MBD5: variants seen among roughly 807,000 people sequenced by gnomAD.
MBD5 encodes the protein methyl-CpG-binding domain protein 5.
Under a neutral mutation model 117.3 loss-of-function variants are expected in MBD5, and 13 were observed. The ratio of observed to expected loss-of-function variants is 0.11; its 90% confidence interval spans 0.07 to 0.18. The LOEUF is 0.18. MBD5 is among the 10% of genes least tolerant of loss of function. MBD5 has a pLI of 1.00. For missense variants in MBD5, 1,879 were observed against 2,093.8 expected (o/e 0.90, Z 2.00); for synonymous variants, 727 against 766.4 (o/e 0.95, Z 0.85).
At chr2:148,295,155 C>T (rs1374412696) in intron 3 of MBD5, among the ~76,000 whole-genome samples, 1 of 152,158 alleles carries the variant, frequency 6.6e-6, no homozygotes, top group Non-Finnish European at 1.5e-5. Context: ...CTCACATCTC[C>T]TTCTGGTACC....
intron 3 of MBD5, among the ~76,000 whole-genome samples, chr2:148,290,036 A>G (rs562480270): frequency 6.7e-6 from 1 of 149,214 alleles, no homozygotes; most frequent in African/African-American, 2.5e-5. Context: ...GCTCACTGCA[A>G]CCTCTACCTC....
chr2:148,160,666 G>A (rs1697987215), intron 1 of MBD5, among the ~76,000 whole-genome samples: 1 of 152,132 alleles, frequency 6.6e-6, no homozygotes. Flanking sequence ...AGGATAAGCA[G>A]AAGAGATTTA....
At chr2:148,150,621 C>T (rs932275917) in intron 1 of MBD5, among the ~76,000 whole-genome samples, 1 of 151,650 alleles carries the variant, frequency 6.6e-6, no homozygotes, top group African/African-American at 2.4e-5. Context: ...TTTCCTGGAG[C>T]AGTGGTTTGT....
chr2:148,425,397 G>A (rs1181466486), intron 4 of MBD5, among the ~76,000 whole-genome samples: 1 of 152,110 alleles, frequency 6.6e-6, no homozygotes, highest in Non-Finnish European at 1.5e-5. Context: ...GTAATTAATA[G>A]CCTACCAACC....
At chr2:148,256,438 A>T (rs1437864487) in intron 3 of MBD5, among the ~76,000 whole-genome samples, 1 of 152,214 alleles carries the variant, frequency 6.6e-6, no homozygotes, top group East Asian at 1.9e-4. Flanking sequence ...CCCATTTCCC[A>T]GAGGTCTTGC....
chr2:148,024,672 C>G (rs1693849421), intron 1 of MBD5, among the ~76,000 whole-genome samples: 1 of 152,088 alleles, frequency 6.6e-6, no homozygotes, highest in Non-Finnish European at 1.5e-5. Flanking sequence ...CTCATTTTAT[C>G]TAATTAACAG....
At chr2:148,131,159 G>T (rs946685409) in intron 1 of MBD5, among the ~76,000 whole-genome samples, 1 of 152,098 alleles carries the variant, frequency 6.6e-6, no homozygotes. Context: ...ATTAATGAGG[G>T]CTTACTAGTT....
At position 148,327,185 on chromosome 2, in the gene MBD5, A is replaced by G. The variant is rs1574291628; in HGVS notation, c.-679-15029A>G. On this transcript the variant is annotated intron_variant, in intron 3 of 13. Transcript: ENST00000642680. ...TGGCCTGAACTCTCTTCTGGCTTGT[A>G]GAGTTTCTGCCGAGAGATCTGCTGT... 5.3e-5 allele frequency among the ~76,000 whole-genome samples: 8 copies of G among 152,062 alleles called. No homozygotes were observed. In the South Asian group the frequency reaches 1.7e-3, roughly 32 times the overall value.
intron 3 of MBD5, among the ~76,000 whole-genome samples, chr2:148,324,522 C>G (rs1401749509): frequency 1.3e-5 from 2 of 151,990 alleles, no homozygotes; most frequent in African/African-American, 4.8e-5. Flanking sequence ...TTGAGCAGTG[C>G]TTTGTAGTTC....
At chr2:148,354,618 T>C (rs1420865904) in intron 4 of MBD5, among the ~76,000 whole-genome samples, 1 of 152,198 alleles carries the variant, frequency 6.6e-6, no homozygotes, top group Non-Finnish European at 1.5e-5. Flanking sequence ...TATAATCCTT[T>C]GGGTGTATAC....
intron 1 of MBD5, among the ~76,000 whole-genome samples, chr2:148,111,604 T>A (rs1696504752): frequency 6.6e-6 from 1 of 152,182 alleles, no homozygotes; most frequent in African/African-American, 2.4e-5. Flanking sequence ...ATGTTAAATG[T>A]CCTGAATTTA....
chr2:148,323,690 GTTGT>G (rs1425438653), intron 3 of MBD5, among the ~76,000 whole-genome samples: 7 of 152,044 alleles, frequency 4.6e-5, no homozygotes, highest in Admixed American at 6.6e-5. Context: ...TTTTGATGGG[GTTGT>G]TTGTTTTTTT....
At position 148,485,470 on chromosome 2, in the gene MBD5, G is replaced by T. The variant is rs548993098; in HGVS notation, c.3545-272G>T. 41 of 399,752 alleles carry T rather than the reference G, an allele frequency of 1.0e-4. 1 individual carries two copies. In the South Asian group the frequency reaches 1.0e-3, roughly 10 times the overall value. The allele number at this position is 399,752 out of a possible 1,614,324, so 24.8% of individuals were successfully genotyped here. A position where few individuals can be genotyped will look rare whatever the true frequency, so the allele number is the denominator to read the frequency against. ...GATGAAGGAATCATATGACACTGCA[G>T]CTCAATATATAAGGACTGCCTAATG... is the stretch of plus-strand genomic sequence containing the variant. On this transcript the variant is annotated intron_variant, in intron 9 of 13. Transcript: ENST00000642680.
intron 1 of MBD5, among the ~76,000 whole-genome samples, chr2:148,138,735 G>T (rs1697232103): frequency 6.6e-6 from 1 of 152,152 alleles, no homozygotes; most frequent in Admixed American, 6.6e-5. Context: ...ACATTTGAAT[G>T]GATATGGGTA....
chr2:148,042,412 A>C (rs1042996877), intron 1 of MBD5, among the ~76,000 whole-genome samples: 1 of 152,108 alleles, frequency 6.6e-6, no homozygotes, highest in Non-Finnish European at 1.5e-5. Context: ...AAAATTTCTC[A>C]CAGCTATGAG....
intron 1 of MBD5, among the ~76,000 whole-genome samples, chr2:148,043,452 CAAAT>C (rs137863555): frequency 0.49 from 70,298 of 142,516 alleles, 17,497 homozygotes; most frequent in African/African-American, 0.61. Flanking sequence ...GACTCCTTCT[CAAAT>C]AAATAAATAA....
At chr2:148,315,099 T>C (rs1181024995) in intron 3 of MBD5, among the ~76,000 whole-genome samples, 1 of 152,222 alleles carries the variant, frequency 6.6e-6, no homozygotes, top group African/African-American at 2.4e-5. Context: ...CAGAGGAGCT[T>C]GATTAAAATT....
chr2:148,149,082 C>G (rs943402845), intron 1 of MBD5, among the ~76,000 whole-genome samples: 30 of 151,074 alleles, frequency 2.0e-4, no homozygotes, highest in African/African-American at 7.3e-4. Context: ...AATGCTATCC[C>G]TCCCCACTCC....
At chr2:148,410,756 T>C (rs1705223907) in intron 4 of MBD5, among the ~76,000 whole-genome samples, 1 of 152,230 alleles carries the variant, frequency 6.6e-6, no homozygotes, top group Non-Finnish European at 1.5e-5. Context: ...GGCCAGGATA[T>C]TAATATTTTG....
Sources: allele counts gnomAD v4.1 joint callset (sites outside exome capture counted in the v4.1 genomes callset), GRCh38; gene constraint gnomAD v4.1.1; transcripts MANE v1.5; gene names NCBI Gene and HGNC (gene_info 2026-07-23, HGNC 2026-07-21).